Variants in IL15 observed in about 807,000 individuals in gnomAD.
IL15 encodes interleukin-15.
Under a neutral mutation model 19.6 loss-of-function variants are expected in IL15, and 11 were observed. The ratio of observed to expected loss-of-function variants is 0.56; its 90% CI spans 0.35 to 0.93. The LOEUF (loss-of-function observed/expected upper bound fraction) is 0.93. IL15 is among the 40% of genes least tolerant of loss of function. The pLI, the probability that IL15 is intolerant of heterozygous loss-of-function variation, is 0.01. For synonymous variants in IL15, 58 were observed against 59.6 expected, an observed-to-expected ratio of 0.97 and a Z score of 0.12; for missense variants, 197 against 186.5, an observed-to-expected ratio of 1.06 and a Z score of -0.33.
At position 141,722,000 on chromosome 4, in the gene IL15, C is replaced by A. The variant is rs1205210119; in HGVS notation, c.187C>A (p.Leu63Ile). The A allele has an allele frequency of 1.9e-6, 3 of 1,589,948 alleles. No homozygotes were observed. In the South Asian group the frequency reaches 3.4e-5, roughly 18 times the overall value. Residue 63 changes from leucine (L) to isoleucine (I), a missense_variant, in exon 5 of 8, where the codon CTT becomes ATT. Leu to Ile is a conservative substitution (Grantham distance 5). Transcript: ENST00000320650. ...AAGTGATTTGAAAAAAATTGAAGATCTTATTCAAGTGAGTACTCATTTTTC... is the reference window on the plus strand; with the variant it reads ...AAGTGATTTGAAAAAAATTGAAGATATTATTCAAGTGAGTACTCATTTTTC... ...VISDLKKIED[L>I]IQSMHIDATL...
At chr4:141,731,856 T>C (rs1429355881) in intron 7 of IL15, among the ~76,000 whole-genome samples, 2 of 152,198 alleles carry the variant, frequency 1.3e-5, no homozygotes, top group African/African-American at 4.8e-5. Context: ...GTTCAGATGA[T>C]CTCTAAAAAG....
chr4:141,704,604 G>C (rs1052418496), intron 2 of IL15: 4 of 389,648 alleles, frequency 1.0e-5, no homozygotes, highest in Non-Finnish European at 2.1e-5. Flanking sequence ...TTCTTCAGTA[G>C]TTTGAGGAGA....
intron 2 of IL15, among the ~76,000 whole-genome samples, chr4:141,698,861 T>G (rs1195267924): frequency 6.6e-6 from 1 of 152,078 alleles, no homozygotes; most frequent in Non-Finnish European, 1.5e-5. Flanking sequence ...ATTTTTTTTC[T>G]TCTGCTATGT....
At chr4:141,640,703 C>G (rs1340860647) in intron 1 of IL15, among the ~76,000 whole-genome samples, 1 of 152,112 alleles carries the variant, frequency 6.6e-6, no homozygotes, top group Non-Finnish European at 1.5e-5. Flanking sequence ...TATTTGTATG[C>G]ATTTATTTTA....
intron 4 of IL15, 138 bp from the exon 5 acceptor site, chr4:141,721,786 G>A (rs551493027): frequency 5.4e-6 from 4 of 746,592 alleles, no homozygotes; most frequent in South Asian, 3.9e-5. Flanking sequence ...TTACAAGGCT[G>A]TTGAATGCAC....
At chr4:141,644,001 A>G (rs192733223) in intron 1 of IL15, among the ~76,000 whole-genome samples, 339 of 151,846 alleles carry the variant, frequency 2.2e-3, no homozygotes, top group Admixed American at 3.4e-3. Flanking sequence ...TAATCAATCA[A>G]TCTATCTTGG....
Position 141,720,476 on chromosome 4 carries a change from A to G in IL15, c.20A>G (p.His7Arg). The G allele has an allele frequency of 1.9e-6, 3 of 1,558,212 alleles. No individual in the cohort carries two copies. The highest frequency in any genetic ancestry group is 1.7e-5 in the Admixed American group (1 of 59,070). The part of the protein sequence containing the change: MRISKP[H>R]LRSISIQCYL... ...TATGATTATATTTTTCAGAAACCACATTTGAGAAGTATTTCCATCCAGTGC... is the reference window on the plus strand; with the variant it reads ...TATGATTATATTTTTCAGAAACCACGTTTGAGAAGTATTTCCATCCAGTGC... Residue 7 changes from histidine (H) to arginine (R), a missense_variant, in exon 4 of 8, where the codon CAT (histidine) becomes CGT (arginine). Coordinates refer to ENST00000320650, the MANE Select transcript of IL15 (RefSeq NM_000585.5).
At chr4:141,699,972 G>A (rs957477376) in intron 2 of IL15, among the ~76,000 whole-genome samples, 1 of 152,098 alleles carries the variant, frequency 6.6e-6, no homozygotes, top group Non-Finnish European at 1.5e-5. Context: ...AGGCTGAGGT[G>A]CAATGGTGTG....
intron 2 of IL15, among the ~76,000 whole-genome samples, chr4:141,657,438 T>A (rs903681831): frequency 6.6e-6 from 1 of 151,804 alleles, no homozygotes; most frequent in Non-Finnish European, 1.5e-5. Context: ...TAGATTATTA[T>A]AATTTTTTAA....
intron 2 of IL15, among the ~76,000 whole-genome samples, chr4:141,688,570 G>GT (rs1317934534): frequency 6.6e-6 from 1 of 152,168 alleles, no homozygotes; most frequent in Non-Finnish European, 1.5e-5. Context: ...CTATAGAAAG[G>GT]TTAAAGATTG....
chr4:141,708,364 G>C (rs1418820097), intron 2 of IL15, among the ~76,000 whole-genome samples: 1 of 152,174 alleles, frequency 6.6e-6, no homozygotes, highest in African/African-American at 2.4e-5. Flanking sequence ...GAGACAGTCA[G>C]TTGCTATTGG....
chr4:141,643,325 A>G (rs932344799), intron 1 of IL15, among the ~76,000 whole-genome samples: 9 of 151,986 alleles, frequency 5.9e-5, no homozygotes, highest in East Asian at 3.9e-4. Flanking sequence ...TCACTTCTAT[A>G]TCTGCTTTTT....
chr4:141,694,222 A>G (rs965065820), intron 2 of IL15, among the ~76,000 whole-genome samples: 1 of 152,230 alleles, frequency 6.6e-6, no homozygotes, highest in African/African-American at 2.4e-5. Context: ...GTGATCATCC[A>G]CACGTGAACG....
At chr4:141,666,316 C>T (rs990380178) in intron 2 of IL15, among the ~76,000 whole-genome samples, 24 of 151,466 alleles carry the variant, frequency 1.6e-4, no homozygotes, top group African/African-American at 5.3e-4. Context: ...CCGAGGCGGT[C>T]GGATCACGAG....
chr4:141,692,875 C>G (rs759050166), intron 2 of IL15, among the ~76,000 whole-genome samples: 34 of 151,978 alleles, frequency 2.2e-4, no homozygotes, highest in Non-Finnish European at 4.4e-4. Context: ...AAAGTCACTT[C>G]CACATTTTCA....
chr4:141,727,534 A>T (rs1431904408), intron 5 of IL15, among the ~76,000 whole-genome samples: 1 of 152,134 alleles, frequency 6.6e-6, no homozygotes, highest in Non-Finnish European at 1.5e-5. Flanking sequence ...ATGAAAGAAT[A>T]GCAGCAGAAT....
At chr4:141,709,305 C>T (rs576826350) in intron 2 of IL15, among the ~76,000 whole-genome samples, 45 of 152,142 alleles carry the variant, frequency 3.0e-4, no homozygotes, top group Non-Finnish European at 4.7e-4. Context: ...ATTTTTAATG[C>T]GCTATCACTG....
chr4:141,677,793 A>G (rs1046226373), intron 2 of IL15, among the ~76,000 whole-genome samples: 6 of 152,198 alleles, frequency 3.9e-5, no homozygotes, highest in African/African-American at 1.4e-4. Flanking sequence ...CACCCCTTCT[A>G]TGTAAAATCT....
At chr4:141,728,359 C>G (rs979416898) in intron 6 of IL15, among the ~76,000 whole-genome samples, 2 of 152,106 alleles carry the variant, frequency 1.3e-5, no homozygotes, top group African/African-American at 4.8e-5. Context: ...GTATCACCAT[C>G]TGCAATCATA....
Sources: allele counts gnomAD v4.1 joint callset (sites outside exome capture counted in the v4.1 genomes callset), GRCh38; gene constraint gnomAD v4.1.1; transcripts MANE v1.5; gene names NCBI Gene and HGNC (gene_info 2026-07-23, HGNC 2026-07-21).